The following FBN2 variants were observed in gnomAD, a reference collection of about 807,000 sequenced individuals.
The protein encoded by FBN2 is fibrillin 2.
In FBN2, 105 loss-of-function variants were observed where a neutral mutation model predicts 355.6. The observed-to-expected ratio is 0.30, with a 90% CI of 0.25 to 0.35. The LOEUF is 0.35. Among genes scored for constraint, FBN2 ranks in the 10% least tolerant of loss-of-function variants. The pLI, the probability that FBN2 is intolerant of heterozygous loss-of-function variation, is 1.00. For synonymous variants in FBN2, 1,350 were observed against 1,301.2 expected, an observed-to-expected ratio of 1.04 and a Z score of -0.81; for missense variants, 3,280 against 3,758.7, an observed-to-expected ratio of 0.87 and a Z score of 3.33.
At chr5:128,493,640 A>G (rs1470103146) in intron 5 of FBN2, among the ~76,000 whole-genome samples, 2 of 152,204 alleles carry the variant, frequency 1.3e-5, no homozygotes, top group African/African-American at 4.8e-5. Context: ...ATTTTATGTT[A>G]GCACTTTCAA....
At chr5:128,507,480 C>A (rs374744388) in intron 5 of FBN2, among the ~76,000 whole-genome samples, 1 of 152,070 alleles carries the variant, frequency 6.6e-6, no homozygotes, top group African/African-American at 2.4e-5. Context: ...TGTCTTACTG[C>A]TAAACTTTTT....
intron 7 of FBN2, among the ~76,000 whole-genome samples, chr5:128,416,515 C>G (rs1378448185): frequency 2.0e-5 from 3 of 152,124 alleles, no homozygotes; most frequent in Non-Finnish European, 4.4e-5. Flanking sequence ...TTCCCATATG[C>G]CTTCTTCTAG....
At chr5:128,396,928 C>G (rs1396719087) in intron 8 of FBN2, among the ~76,000 whole-genome samples, 1 of 152,154 alleles carries the variant, frequency 6.6e-6, no homozygotes, top group Non-Finnish European at 1.5e-5. Context: ...ATTTTTAGCA[C>G]TGGATACAGA....
intron 14 of FBN2, among the ~76,000 whole-genome samples, chr5:128,374,976 CT>C (rs1752045893): frequency 6.6e-6 from 1 of 152,152 alleles, no homozygotes; most frequent in Non-Finnish European, 1.5e-5. Context: ...TCACAATCTT[CT>C]TTTTCATTAT....
chr5:128,301,376 A>T lies in FBN2; in HGVS notation c.6046+6T>A. On this transcript the variant is annotated splice_donor_region_variant and intron_variant, in intron 47 of 64. Coordinates refer to ENST00000262464, the MANE Select transcript of FBN2 (RefSeq NM_001999.4). ...CACAAAGACTGCTTATTATTTAAAT[A>T]CTTACCTATACAGTTTTTGCCATCT... is the stretch of plus-strand genomic sequence containing the variant. The T allele has an allele frequency of 6.2e-7, 1 of 1,612,214 alleles. No homozygotes were observed. The highest frequency in any genetic ancestry group is 1.1e-5 in the South Asian group (1 of 91,028).
At chr5:128,291,761 A>G in intron 48 of FBN2, 107 bp from the exon 49 acceptor site, 1 of 1,070,448 alleles carries the variant, frequency 9.3e-7, no homozygotes, top group Non-Finnish European at 1.4e-6. Flanking sequence ...AAGAGATATT[A>G]CGTTGTATGT....
chr5:128,333,371 T>G (rs2126892726), intron 31 of FBN2, among the ~76,000 whole-genome samples: 1 of 152,284 alleles, frequency 6.6e-6, no homozygotes, highest in South Asian at 2.1e-4. Context: ...AAGAGGACAT[T>G]CGATTACAGA....
intron 48 of FBN2, among the ~76,000 whole-genome samples, chr5:128,293,335 T>G (rs973965307): frequency 5.9e-5 from 9 of 152,048 alleles, no homozygotes; most frequent in African/African-American, 2.2e-4. Flanking sequence ...CTACTATAAG[T>G]ACAAAAATTA....
chr5:128,368,157 T>G (rs1581244981), intron 16 of FBN2, among the ~76,000 whole-genome samples: 1 of 152,088 alleles, frequency 6.6e-6, no homozygotes, highest in Non-Finnish European at 1.5e-5. Flanking sequence ...CACACTAAAT[T>G]GTAATTTATA....
rs904115782 is a variant in FBN2 at position 128,489,259 on chromosome 5, T to C, written c.629-24338A>G. 1.8e-4 allele frequency among the ~76,000 whole-genome samples: 28 copies of C among 152,248 alleles called. 1 individual carries two copies. Among genetic ancestry groups the C allele is most frequent in the Admixed American group, 1.5e-3 (23 of 15,286 alleles). On this transcript the variant is annotated intron_variant, in intron 5 of 64. Transcript: ENST00000262464. ...AGAAATGAATATTTCTATGCAGTCATGCTAGATCGAAGTCAATAATGGCAA... is the reference window on the plus strand; with the variant it reads ...AGAAATGAATATTTCTATGCAGTCACGCTAGATCGAAGTCAATAATGGCAA...
Position 128,269,806 on chromosome 5 carries a change from A to G in FBN2, c.7960+2193T>C, listed in dbSNP as rs554683278. 4.6e-5 allele frequency among the ~76,000 whole-genome samples: 7 copies of G among 152,322 alleles called. No individual in the cohort carries two copies. The South Asian group carries it at 1.2e-3, about 27-fold the overall frequency. The stretch of plus-strand genomic sequence containing the variant: ...ATTGTGAAAATGGCCATACTGCCCA[A>G]AGTAATTTATAGATTCAATGCTATT... On this transcript the variant is annotated intron_variant, in intron 62 of 64. Coordinates refer to ENST00000262464, the MANE Select transcript of FBN2 (RefSeq NM_001999.4).
chr5:128,381,494 G>A (rs930457406), intron 11 of FBN2, among the ~76,000 whole-genome samples: 3 of 152,040 alleles, frequency 2.0e-5, no homozygotes, highest in Non-Finnish European at 4.4e-5. Context: ...ATAATTTAAA[G>A]CACTAGTTAA....
intron 5 of FBN2, among the ~76,000 whole-genome samples, chr5:128,472,011 G>A (rs775166100): frequency 2.0e-5 from 3 of 152,094 alleles, no homozygotes; most frequent in Admixed American, 6.6e-5. Flanking sequence ...CTCTTAAAGC[G>A]ACTACTAAAA....
chr5:128,290,955 T>C, intron 49 of FBN2, 71 bp from the exon 50 acceptor site: 1 of 1,444,782 alleles, frequency 6.9e-7, no homozygotes, highest in Non-Finnish European at 9.7e-7. Context: ...TTTCTCATTG[T>C]AGAACACGGG....
chr5:128,381,200 C>G (rs930718635), intron 11 of FBN2, among the ~76,000 whole-genome samples: 17 of 151,926 alleles, frequency 1.1e-4, no homozygotes, highest in African/African-American at 3.6e-4. Context: ...TATACAGACA[C>G]TAGGAGAGTT....
At chr5:128,307,672 C>T (rs932255549) in intron 41 of FBN2, among the ~76,000 whole-genome samples, 1 of 141,242 alleles carries the variant, frequency 7.1e-6, no homozygotes. Flanking sequence ...CGAATTTTGT[C>T]TTTTTTTTTT....
At chr5:128,521,186 A>G (rs1361115432) in intron 4 of FBN2, among the ~76,000 whole-genome samples, 1 of 152,236 alleles carries the variant, frequency 6.6e-6, no homozygotes, top group African/African-American at 2.4e-5. Flanking sequence ...CTATCCAGCC[A>G]TAAAAAGGAA....
chr5:128,325,542 T>C (rs1375766088), intron 34 of FBN2, among the ~76,000 whole-genome samples: 2 of 152,226 alleles, frequency 1.3e-5, no homozygotes, highest in Non-Finnish European at 2.9e-5. Flanking sequence ...TCTGAAGTCT[T>C]CAATCCTCCT....
At chr5:128,492,673 G>A (rs1052426775) in intron 5 of FBN2, among the ~76,000 whole-genome samples, 20 of 151,654 alleles carry the variant, frequency 1.3e-4, no homozygotes, top group Admixed American at 8.5e-4. Context: ...TGTGGTGGCA[G>A]GCACCTGTAA....
Sources: allele counts gnomAD v4.1 joint callset (sites outside exome capture counted in the v4.1 genomes callset), GRCh38; gene constraint gnomAD v4.1.1; transcripts MANE v1.5; gene names NCBI Gene and HGNC (gene_info 2026-07-23, HGNC 2026-07-21).